The following NEK1 variants were observed in gnomAD, a reference collection of about 807,000 sequenced individuals.
NEK1 encodes the protein NIMA related kinase 1.
In NEK1, 137 loss-of-function variants were observed where a neutral mutation model predicts 182.1. That is an observed-to-expected ratio of 0.75 (90% CI 0.65 to 0.87). The LOEUF is 0.87. NEK1 is among the 40% of genes least tolerant of loss of function. NEK1 has a pLI of 0.00. For synonymous variants in NEK1, 513 were observed against 492.2 expected (o/e 1.04, Z -0.56); for missense variants, 1,391 against 1,494.4 (o/e 0.93, Z 1.14).
intron 18 of NEK1, among the ~76,000 whole-genome samples, chr4:169,544,562 C>A (rs1372382673): frequency 1.4e-5 from 2 of 141,336 alleles, no homozygotes; most frequent in Non-Finnish European, 3.0e-5. Flanking sequence ...CTCTTTGTAT[C>A]TCTGGTAGAA....
chr4:169,529,542 G>A (rs1183079639), intron 19 of NEK1, among the ~76,000 whole-genome samples: 1 of 152,088 alleles, frequency 6.6e-6, no homozygotes, highest in African/African-American at 2.4e-5. Flanking sequence ...GACATAACAC[G>A]AAAAGCATGA....
At chr4:169,548,922 C>T (rs1202893994) in intron 18 of NEK1, among the ~76,000 whole-genome samples, 2 of 152,254 alleles carry the variant, frequency 1.3e-5, no homozygotes, top group African/African-American at 4.8e-5. Flanking sequence ...GGGTGGGACC[C>T]ACCAAGCCAG....
At chr4:169,589,837 T>C (rs372324256) in intron 6 of NEK1, among the ~76,000 whole-genome samples, 2 of 152,088 alleles carry the variant, frequency 1.3e-5, no homozygotes, top group East Asian at 3.9e-4. Context: ...AAGGATAAAT[T>C]GGACTATCAA....
At chr4:169,604,084 T>C (rs907089223) in intron 2 of NEK1, among the ~76,000 whole-genome samples, 1 of 152,200 alleles carries the variant, frequency 6.6e-6, no homozygotes, top group African/African-American at 2.4e-5. Flanking sequence ...TGGTCTTTAA[T>C]TTGTAAAAAC....
At chr4:169,483,758 C>T (rs1423698317) in intron 23 of NEK1, among the ~76,000 whole-genome samples, 1 of 149,118 alleles carries the variant, frequency 6.7e-6, no homozygotes, top group Admixed American at 6.8e-5. Flanking sequence ...CCCAAGTACT[C>T]GGGAGGCTGA....
Position 169,433,751 on chromosome 4 carries a change from C to T in NEK1, c.2765-86G>A, listed in dbSNP as rs1737865125. On this transcript the variant is annotated intron_variant, in intron 28 of 35. Coordinates refer to ENST00000507142, the MANE Select transcript of NEK1 (RefSeq NM_001199397.3). ...ATAAACTTGCTATAAATTATTGCTA[C>T]CTAGTTTTAGGGTAATATATTCATT... 3 of 1,357,092 alleles carry T rather than the reference C, an allele frequency of 2.2e-6. No individual in the cohort carries two copies. In the South Asian group the frequency reaches 3.9e-5, roughly 18 times the overall value. The allele number at this position is 1,357,092 out of a possible 1,614,324, so 84.1% of individuals were successfully genotyped here. A position where few individuals can be genotyped will look rare whatever the true frequency, so the allele number is the denominator to read the frequency against.
At chr4:169,491,078 G>C (rs1478178864) in intron 23 of NEK1, among the ~76,000 whole-genome samples, 2 of 145,998 alleles carry the variant, frequency 1.4e-5, no homozygotes, top group African/African-American at 5.2e-5. Context: ...AGGAGGTGGA[G>C]GCTGCAGTGA....
intron 18 of NEK1, among the ~76,000 whole-genome samples, chr4:169,549,546 C>A (rs1032403905): frequency 1.8e-4 from 27 of 152,026 alleles, no homozygotes; most frequent in Non-Finnish European, 2.9e-5. Flanking sequence ...CCTCAGCCTG[C>A]CAAGTAGCTG....
intron 31 of NEK1, among the ~76,000 whole-genome samples, chr4:169,407,781 A>G (rs1732898374): frequency 6.6e-6 from 1 of 152,252 alleles, no homozygotes; most frequent in Non-Finnish European, 1.5e-5. Context: ...GCCTGTGAGG[A>G]AAACACAATG....
chr4:169,602,222 T>C (rs1770620440), intron 3 of NEK1, 118 bp from the exon 4 acceptor site: 12 of 710,944 alleles, frequency 1.7e-5, no homozygotes, highest in Admixed American at 1.0e-4. Flanking sequence ...CAACAAAATA[T>C]AGCAAGAAGT....
At chr4:169,591,290 G>A (rs144286291) in intron 5 of NEK1, among the ~76,000 whole-genome samples, 2 of 151,988 alleles carry the variant, frequency 1.3e-5, no homozygotes, top group African/African-American at 2.4e-5. Flanking sequence ...GACTATAGGT[G>A]CATGCCACCA....
At chr4:169,592,006 G>A (rs1315242468) in intron 5 of NEK1, among the ~76,000 whole-genome samples, 1 of 151,016 alleles carries the variant, frequency 6.6e-6, no homozygotes, top group Non-Finnish European at 1.5e-5. Context: ...CCCGAAAAAC[G>A]CATATACAAA....
chr4:169,490,655 G>A (rs1339020192), intron 23 of NEK1, among the ~76,000 whole-genome samples: 2 of 151,788 alleles, frequency 1.3e-5, no homozygotes, highest in Non-Finnish European at 2.9e-5. Context: ...AGAAATCTTG[G>A]GGCTGAAGAA....
At chr4:169,572,227 G>A (rs1445858937) in intron 12 of NEK1, among the ~76,000 whole-genome samples, 1 of 152,172 alleles carries the variant, frequency 6.6e-6, no homozygotes, top group Non-Finnish European at 1.5e-5. Flanking sequence ...GAAAGTGAGG[G>A]TGGCTAGGAC....
In NEK1 at chr4:169,507,701, T is replaced by C. The variant is rs1561317076; in HGVS notation, c.1911+14A>G. ...ATTTTCTCTAAGAAAACCTGTATCATTTCTAGTCTATACCTTCAGTGATTC... is the reference window on the plus strand; with the variant it reads ...ATTTTCTCTAAGAAAACCTGTATCACTTCTAGTCTATACCTTCAGTGATTC... On this transcript the variant is annotated intron_variant, in intron 22 of 35. Transcript: ENST00000507142. The C allele has an allele frequency of 6.3e-7, 1 of 1,598,518 alleles. No individual in the cohort carries two copies. Among genetic ancestry groups the C allele is most frequent in the Non-Finnish European group, 8.6e-7 (1 of 1,168,178 alleles).
At chr4:169,465,385 T>A (rs753943403) in intron 26 of NEK1, among the ~76,000 whole-genome samples, 28 of 152,050 alleles carry the variant, frequency 1.8e-4, no homozygotes, top group Non-Finnish European at 4.1e-4. Flanking sequence ...GTCAATGGTC[T>A]CTCTGAGCTG....
At chr4:169,450,263 T>C (rs1488134208) in intron 27 of NEK1, among the ~76,000 whole-genome samples, 8 of 152,106 alleles carry the variant, frequency 5.3e-5, no homozygotes, top group Admixed American at 4.6e-4. Flanking sequence ...CTCCAGGATA[T>C]TATCCAGGAG....
intron 16 of NEK1, 32 bp downstream of exon 16, chr4:169,561,448 G>C (rs1396627792): frequency 1.9e-6 from 3 of 1,577,224 alleles, no homozygotes; most frequent in South Asian, 2.2e-5. Flanking sequence ...GGGGAAAATG[G>C]TAGTATAACC....
At chr4:169,542,380 ACTTT>A (rs1253238114) in intron 18 of NEK1, among the ~76,000 whole-genome samples, 1 of 152,158 alleles carries the variant, frequency 6.6e-6, no homozygotes, top group African/African-American at 2.4e-5. Flanking sequence ...TATGTGCCAC[ACTTT>A]CTTTATCCAG....
Sources: gnomAD v4.1 joint callset for allele counts (sites outside exome capture counted in the v4.1 genomes callset) on GRCh38, gnomAD v4.1.1 for gene constraint, MANE v1.5 for transcripts, NCBI Gene and HGNC (gene_info 2026-07-23, HGNC 2026-07-21) for gene names.